Variants in SUMF1 observed in about 807,000 individuals in gnomAD.
The protein encoded by SUMF1 is formylglycine-generating enzyme.
Under a neutral mutation model 47.6 loss-of-function variants are expected in SUMF1, and 48 were observed. The observed-to-expected ratio is 1.01, with a 90% CI of 0.80 to 1.28. The LOEUF is 1.28. Ranked by LOEUF, SUMF1 falls within the 50% of genes most tolerant of loss-of-function variation. The probability of loss-of-function intolerance (pLI) is 0.00; values close to 1 mark genes in which losing one functional copy is unlikely to be tolerated. For missense variants in SUMF1, 571 were observed against 485.4 expected (o/e 1.18, Z -1.66); for synonymous variants, 230 against 192.1 (o/e 1.20, Z -1.63).
At chr3:4,160,228 G>T (rs563866526) in intron 8 of SUMF1, among the ~76,000 whole-genome samples, 1 of 151,592 alleles carries the variant, frequency 6.6e-6, no homozygotes, top group Non-Finnish European at 1.5e-5. Context: ...AGATTTTATA[G>T]GCATGCTCTA....
At position 4,361,884 on chromosome 3, in the gene SUMF1, C is replaced by T. The variant is rs1453500640; in HGVS notation, c.*260G>A. 3 of 458,080 alleles carry T rather than the reference C, an allele frequency of 6.5e-6. No individual in the cohort carries two copies. Among genetic ancestry groups the T allele is most frequent in the Non-Finnish European group, 1.2e-5 (3 of 247,622 alleles). 28.4% of individuals were successfully genotyped at this position (458,080 alleles called of 1,614,324 possible). ...CCTCCTGAAGCCTAGCTCAGGGTTC[C>T]CTCCACTCCCCTTCCTCTTTAAAGA... On this transcript the variant is annotated 3_prime_UTR_variant, in exon 9 of 9. Transcript: ENST00000272902.
chr3:4,352,274 G>C (rs1453155952), intron 8 of SUMF1, among the ~76,000 whole-genome samples: 1 of 152,032 alleles, frequency 6.6e-6, no homozygotes, highest in Non-Finnish European at 1.5e-5. Flanking sequence ...TGCACATTGG[G>C]AATATTAACC....
intron 8 of SUMF1, among the ~76,000 whole-genome samples, chr3:4,073,630 T>G (rs1087827): frequency 0.36 from 55,262 of 151,738 alleles, 10,433 homozygotes; most frequent in Admixed American, 0.47. Context: ...AAAATAAACG[T>G]ATGGGGGAAG....
chr3:4,085,773 C>T (rs1325273191), intron 8 of SUMF1, among the ~76,000 whole-genome samples: 2 of 152,034 alleles, frequency 1.3e-5, no homozygotes, highest in Non-Finnish European at 2.9e-5. Context: ...ATGAGACATG[C>T]AGTTGTTTTA....
At chr3:4,442,488 T>C (rs183684259) in intron 3 of SUMF1, among the ~76,000 whole-genome samples, 9 of 151,816 alleles carry the variant, frequency 5.9e-5, no homozygotes, top group African/African-American at 2.2e-4. Flanking sequence ...CTCGATCTCC[T>C]GACCTCGTGA....
chr3:4,092,774 A>C (rs1449766535), intron 8 of SUMF1, among the ~76,000 whole-genome samples: 1 of 152,142 alleles, frequency 6.6e-6, no homozygotes, highest in Non-Finnish European at 1.5e-5. Context: ...AGAGTCAAAG[A>C]ATTGATAAGA....
intron 8 of SUMF1, among the ~76,000 whole-genome samples, chr3:4,136,891 T>A (rs1304706350): frequency 1.3e-5 from 2 of 152,076 alleles, no homozygotes; most frequent in Non-Finnish European, 2.9e-5. Flanking sequence ...TCACTGGCCA[T>A]CAGAGAAATG....
Position 4,044,601 on chromosome 3 carries a change from A to G in SUMF1, c.1191+23968T>C, listed in dbSNP as rs573918134. Among the ~76,000 whole-genome samples the G allele has an allele frequency of 1.3e-4, 20 of 152,352 alleles. No individual in the cohort carries two copies. In the Middle Eastern group the frequency reaches 0.014, roughly 104 times the overall value. ...TCAGCTTTCTATAATTAAACCAATA[A>G]CTTGTTCAGCCTCAGGCTGGAAGTA... is the stretch of plus-strand genomic sequence containing the variant. On this transcript the variant is annotated intron_variant and NMD_transcript_variant, in intron 9 of 12. Transcript: ENST00000448413.
At position 4,210,526 on chromosome 3, in the gene SUMF1, T is replaced by C. The variant is rs116085488; in HGVS notation, c.1015-141781A>G. ...AGTTCAAAGGGGAAAGAACGACCCT[T>C]TCCCAGTCCCCATAAATGGTGCTGG... On this transcript the variant is annotated intron_variant and NMD_transcript_variant, in intron 8 of 12. Coordinates refer to the SUMF1 transcript ENST00000448413. Among the ~76,000 whole-genome samples the C allele has an allele frequency of 9.2e-4, 140 of 152,242 alleles. 1 individual carries two copies. In the Middle Eastern group the frequency reaches 0.024, roughly 26 times the overall value.
intron 7 of SUMF1, among the ~76,000 whole-genome samples, chr3:4,382,836 C>T (rs1040073820): frequency 6.6e-6 from 1 of 152,048 alleles, no homozygotes; most frequent in African/African-American, 2.4e-5. Flanking sequence ...AACCAAACAC[C>T]GCATGTTCTC....
At chr3:4,079,669 G>GT (rs1692516038) in intron 8 of SUMF1, among the ~76,000 whole-genome samples, 1 of 150,012 alleles carries the variant, frequency 6.7e-6, no homozygotes, top group Admixed American at 6.7e-5. Context: ...AATAATATAT[G>GT]GAAAGTACTT....
At chr3:4,162,824 G>C (rs1268985117) in intron 8 of SUMF1, among the ~76,000 whole-genome samples, 1 of 151,838 alleles carries the variant, frequency 6.6e-6, no homozygotes, top group African/African-American at 2.4e-5. Flanking sequence ...TTTTTGTGTG[G>C]ATAGTTGTTA....
At chr3:4,271,490 GATA>G (rs1216642529) in intron 8 of SUMF1, among the ~76,000 whole-genome samples, 10 of 151,380 alleles carry the variant, frequency 6.6e-5, no homozygotes, top group African/African-American at 2.4e-4. Flanking sequence ...TAGATAGATA[GATA>G]GATAGATAGA....
intron 8 of SUMF1, among the ~76,000 whole-genome samples, chr3:4,342,930 T>A (rs1319872669): frequency 6.6e-6 from 1 of 152,208 alleles, no homozygotes. Flanking sequence ...CAAGTCCTCA[T>A]TTTACAGATA....
chr3:4,201,900 C>G (rs1695548419), intron 8 of SUMF1, among the ~76,000 whole-genome samples: 1 of 151,808 alleles, frequency 6.6e-6, no homozygotes, highest in African/African-American at 2.4e-5. Flanking sequence ...TACCTGTTTG[C>G]CATTTGAGCA....
At chr3:4,173,350 G>C (rs1342525672) in intron 8 of SUMF1, among the ~76,000 whole-genome samples, 3 of 152,276 alleles carry the variant, frequency 2.0e-5, no homozygotes, top group Admixed American at 6.5e-5. Flanking sequence ...ATGCCAGTTA[G>C]AATGGTGATC....
chr3:4,345,476 G>A (rs984906469), intron 8 of SUMF1, among the ~76,000 whole-genome samples: 1 of 152,162 alleles, frequency 6.6e-6, no homozygotes, highest in Admixed American at 6.5e-5. Flanking sequence ...TTCCAGACAA[G>A]CAAATGCTGA....
intron 8 of SUMF1, among the ~76,000 whole-genome samples, chr3:4,222,085 T>A (rs1696080021): frequency 6.6e-6 from 1 of 152,070 alleles, no homozygotes; most frequent in South Asian, 2.1e-4. Context: ...AAATATATAA[T>A]AAGATTTCAT....
chr3:4,147,006 G>A (rs795291), intron 8 of SUMF1, among the ~76,000 whole-genome samples: 98,672 of 151,866 alleles, frequency 0.65, 32,398 homozygotes, highest in Non-Finnish European at 0.68. Flanking sequence ...AAAAGTGGGC[G>A]AAGGATATGA....
Sources: gnomAD v4.1 joint callset for allele counts (sites outside exome capture counted in the v4.1 genomes callset) on GRCh38, gnomAD v4.1.1 for gene constraint, MANE v1.5 for transcripts, NCBI Gene and HGNC (gene_info 2026-07-23, HGNC 2026-07-21) for gene names.